TRPC1: variants seen among roughly 807,000 people sequenced by gnomAD.
TRPC1 encodes the protein short transient receptor potential channel 1.
A neutral mutation model predicts 88.2 loss-of-function variants in TRPC1; 42 were observed. The observed-to-expected ratio is 0.48, with a 90% CI of 0.37 to 0.62. The LOEUF (loss-of-function observed/expected upper bound fraction) is 0.62, where lower values mean the gene tolerates loss of function less well. Ranked by LOEUF, TRPC1 falls within the 20% of genes least tolerant of loss-of-function variation. The probability of loss-of-function intolerance (pLI) is 0.00; values close to 1 mark genes in which losing one functional copy is unlikely to be tolerated. For missense variants in TRPC1, 699 were observed against 957.3 expected (o/e 0.73, Z 3.56); for synonymous variants, 288 against 331.8 (o/e 0.87, Z 1.43).
In TRPC1 at chr3:142,807,431, T is replaced by C. The variant is rs905730312; in HGVS notation, c.*1196T>C. The C allele has an allele frequency of 1.3e-5, 2 of 152,210 alleles. No individual in the cohort carries two copies. Among genetic ancestry groups the C allele is most frequent in the African/African-American group, 4.8e-5 (2 of 41,460 alleles). The allele number at this position is 152,210 out of a possible 1,614,324, so 9.4% of individuals were successfully genotyped here. A position where few individuals can be genotyped will look rare whatever the true frequency, so the allele number is the denominator to read the frequency against. Reference sequence around the variant, plus strand: ...GCTAAAATGTTTTCATAGGCTATTATATATTCTCGCAGCATTTCCAGTTAA... The same window carrying C: ...GCTAAAATGTTTTCATAGGCTATTACATATTCTCGCAGCATTTCCAGTTAA... On this transcript the variant is annotated 3_prime_UTR_variant, in exon 13 of 13. Coordinates refer to ENST00000476941, the MANE Select transcript of TRPC1 (RefSeq NM_001251845.2).
In TRPC1 at chr3:142,792,603, A is replaced by C. The variant is rs1157269953; in HGVS notation, c.1438-221A>C. On this transcript the variant is annotated intron_variant, in intron 8 of 12. Transcript: ENST00000476941. The surrounding 1 kb of genome is among the most constrained non-coding windows in gnomAD (Gnocchi z 4.0). Reference sequence around the variant, plus strand: ...TTTCTAAAATTTAAGAGTTTCTGGAAAAACCTCTTCATATAGAGTGATAAT... The same window carrying C: ...TTTCTAAAATTTAAGAGTTTCTGGACAAACCTCTTCATATAGAGTGATAAT... 6.6e-6 allele frequency among the ~76,000 whole-genome samples: 1 copy of C among 151,992 alleles called. No homozygotes were observed. Among genetic ancestry groups the C allele is most frequent in the East Asian group, 1.9e-4 (1 of 5,204 alleles).
intron 10 of TRPC1, 38 bp downstream of exon 10, chr3:142,802,382 CTT>C (rs3836385): frequency 3.5e-4 from 390 of 1,100,948 alleles, no homozygotes; most frequent in South Asian, 1.4e-3. Context: ...ATATATTTGT[CTT>C]TTTTTTTTTT....
chr3:142,731,264 TAAC>T (rs1933891099), intron 1 of TRPC1, among the ~76,000 whole-genome samples: 1 of 152,054 alleles, frequency 6.6e-6, no homozygotes, highest in African/African-American at 2.4e-5. Flanking sequence ...TTCAGAATGT[TAAC>T]AAGGTCTAAC....
chr3:142,734,119 CTGAATAAGGCTAAAAA>C (rs1345412290), intron 1 of TRPC1, among the ~76,000 whole-genome samples: 9 of 152,130 alleles, frequency 5.9e-5, no homozygotes, highest in Admixed American at 5.9e-4. Flanking sequence ...ATTGTGGGCT[CTGAATAAGGCTAAAAA>C]TAAGACTCCT....
Position 142,777,629 on chromosome 3 carries a change from C to T in TRPC1, c.633-3C>T. 1 of 1,558,816 alleles carries T rather than the reference C, an allele frequency of 6.4e-7. No homozygotes were observed. The highest frequency in any genetic ancestry group is 8.7e-7 in the Non-Finnish European group (1 of 1,151,650). On this transcript the variant is annotated splice_polypyrimidine_tract_variant and splice_region_variant and intron_variant, in intron 4 of 12. Coordinates refer to ENST00000476941, the MANE Select transcript of TRPC1 (RefSeq NM_001251845.2). Reference sequence around the variant, plus strand: ...TACATTATGGAATCCAATTTTATCACAGGTTTCGTCTTGATATATATCGAT... The same window carrying T: ...TACATTATGGAATCCAATTTTATCATAGGTTTCGTCTTGATATATATCGAT...
chr3:142,801,868 C>T (rs960141927), intron 9 of TRPC1, among the ~76,000 whole-genome samples: 6 of 152,080 alleles, frequency 3.9e-5, no homozygotes, highest in Admixed American at 6.6e-5. Flanking sequence ...GCAAATTAGG[C>T]CTTTTCTTAA....
intron 3 of TRPC1, among the ~76,000 whole-genome samples, chr3:142,746,896 C>A (rs1001566180): frequency 6.6e-6 from 1 of 151,198 alleles, no homozygotes; most frequent in Non-Finnish European, 1.5e-5. Context: ...ACCCATAATT[C>A]TGCTGCTGGG....
chr3:142,791,973 C>T (rs1936306927), intron 8 of TRPC1, among the ~76,000 whole-genome samples: 2 of 152,088 alleles, frequency 1.3e-5, no homozygotes, highest in East Asian at 1.9e-4. Context: ...TGGGGTGTCA[C>T]ATTCAAGGAA....
In TRPC1 at chr3:142,790,964, AG is replaced by A. The variant is rs1160982024; in HGVS notation, c.1298-54del. ...TATTTTGAGTCTTAAAGTATTATTT[AG>A]TTTATTTATTGAATTAAGAAAGTGT... On this transcript the variant is annotated intron_variant, in intron 7 of 12. Transcript: ENST00000476941. The A allele has an allele frequency of 1.2e-5, 17 of 1,373,566 alleles. No individual in the cohort carries two copies. In the East Asian group the frequency reaches 3.5e-4, roughly 28 times the overall value. The allele number at this position is 1,373,566 out of a possible 1,614,324, so 85.1% of individuals were successfully genotyped here.
At chr3:142,736,643 T>A (rs555808940) in intron 2 of TRPC1, 110 bp downstream of exon 2, 1 of 1,020,840 alleles carries the variant, frequency 9.8e-7, no homozygotes, top group Admixed American at 2.9e-5. Flanking sequence ...CTTCCTTTCT[T>A]TTTCTTTCTT....
At chr3:142,770,159 G>A (rs1003412909) in intron 4 of TRPC1, among the ~76,000 whole-genome samples, 5 of 138,230 alleles carry the variant, frequency 3.6e-5, no homozygotes, top group Non-Finnish European at 7.6e-5. Context: ...ATGCAGTGGT[G>A]CAATCTTGGC....
At chr3:142,746,214 T>C (rs898591902) in intron 3 of TRPC1, among the ~76,000 whole-genome samples, 1 of 152,360 alleles carries the variant, frequency 6.6e-6, no homozygotes, top group African/African-American at 2.4e-5. Flanking sequence ...ATTCATTCTG[T>C]ATTCTTGGCT....
At chr3:142,804,336 C>A in intron 11 of TRPC1, 100 bp from the exon 12 acceptor site, 3 of 1,210,308 alleles carry the variant, frequency 2.5e-6, no homozygotes, top group East Asian at 2.6e-5. Context: ...ATAATAATTG[C>A]AAATGTTGAA....
Position 142,776,142 on chromosome 3 carries a change from G to A in TRPC1, c.633-1490G>A, listed in dbSNP as rs1019109141. ...TAACACAGAAAGAGATTCATGATATGTTACACTTTTTAAAAAGCAAGCTGT... is the reference window on the plus strand; with the variant it reads ...TAACACAGAAAGAGATTCATGATATATTACACTTTTTAAAAAGCAAGCTGT... On this transcript the variant is annotated intron_variant, in intron 4 of 12. Transcript: ENST00000476941. The surrounding 1 kb of genome is among the most constrained non-coding windows in gnomAD (Gnocchi z 4.1). Among the ~76,000 whole-genome samples the A allele has an allele frequency of 2.0e-5, 3 of 152,230 alleles. No homozygotes were observed. Among genetic ancestry groups the A allele is most frequent in the Non-Finnish European group, 4.4e-5 (3 of 67,998 alleles).
intron 4 of TRPC1, among the ~76,000 whole-genome samples, chr3:142,775,064 ATAT>A (rs1395165805): frequency 6.6e-6 from 1 of 152,188 alleles, no homozygotes; most frequent in Admixed American, 6.5e-5. Context: ...GCACAATTAC[ATAT>A]TATTTTTTTC....
Position 142,772,577 on chromosome 3 carries a change from C to T in TRPC1, c.633-5055C>T, listed in dbSNP as rs750836218. On this transcript the variant is annotated intron_variant, in intron 4 of 12. Transcript: ENST00000476941. The stretch of plus-strand genomic sequence containing the variant: ...TCAAGAGGCTAAGGCGGGTGAATCA[C>T]CTGAGATCAGGAGTTCAAGACCAGC... Among the ~76,000 whole-genome samples, 6 of 152,198 alleles carry T rather than the reference C, an allele frequency of 3.9e-5. No individual in the cohort carries two copies. The East Asian group carries it at 7.7e-4, about 20-fold the overall frequency.
At position 142,724,628 on chromosome 3, in the gene TRPC1, A is replaced by G; in HGVS notation, c.69A>G (p.Pro23=). The G allele has an allele frequency of 6.2e-7, 1 of 1,611,608 alleles. No homozygotes were observed. Among genetic ancestry groups the G allele is most frequent in the Non-Finnish European group, 8.5e-7 (1 of 1,179,106 alleles). Residue 23 remains proline (P), a synonymous_variant, in exon 1 of 13, where the codon CCA becomes CCG. Transcript: ENST00000476941. This position sits in a 1 kb window ranked among gnomAD's most constrained non-coding sequence, Gnocchi z 5.6. ...GASSSSLPSS[P]SSSSPNEVMA... ...CCTCCTCCTCCCTGCCTTCCTCTCC[A>G]TCCTCTTCCTCGCCGAACGAGGTGA... is the stretch of plus-strand genomic sequence containing the variant.
Position 142,791,052 on chromosome 3 carries a change from A to G in TRPC1, c.1331A>G (p.Tyr444Cys). ...MIWSDIKRLW[Y>C]EGLEDFLEES... ...TGGTCAGACATTAAAAGACTCTGGT[A>G]TGAAGGGTTGGAAGACTTTTTAGAA... The change falls in exon 8 of 13, where the codon TAT becomes TGT. Residue 444 changes from tyrosine (Y) to cysteine (C), a missense_variant. Physicochemically the swap from Tyr to Cys is radical, Grantham distance 194. This residue lies in a region of TRPC1 where 426 missense variants were observed against 641.3 expected (regional missense o/e 0.66). Transcript: ENST00000476941. The G allele has an allele frequency of 6.2e-7, 1 of 1,610,718 alleles. No homozygotes were observed. The highest frequency in any genetic ancestry group is 8.5e-7 in the Non-Finnish European group (1 of 1,178,624).
rs768429018 is a variant in TRPC1 at position 142,792,952 on chromosome 3, C to T, written c.1566C>T (p.Ile522=). The part of the protein sequence containing the change: ...RLFFMYTTSS[I]LGPLQISMGQ... ...TTTTTATGTATACAACCAGCTCTAT[C>T]TTGGGTCCATTACAGGTAAATAATT... Residue 522 remains isoleucine, a synonymous_variant, in exon 9 of 13, where the codon ATC becomes ATT. Transcript: ENST00000476941. The surrounding 1 kb of genome is among the most constrained non-coding windows in gnomAD (Gnocchi z 4.0). 1 of 1,593,568 alleles carries T rather than the reference C, an allele frequency of 6.3e-7. No homozygotes were observed. Among genetic ancestry groups the T allele is most frequent in the Non-Finnish European group, 8.5e-7 (1 of 1,172,470 alleles).
Sources: gnomAD v4.1 joint callset for allele counts (sites outside exome capture counted in the v4.1 genomes callset) on GRCh38, gnomAD v4.1.1 for gene constraint, gnomAD v4.1.1 regional missense constraint, Gnocchi (gnomAD v3.1) non-coding constraint, MANE v1.5 for transcripts, NCBI Gene and HGNC (gene_info 2026-07-23, HGNC 2026-07-21) for gene names.